Variants in SLC7A1 observed in about 807,000 individuals in gnomAD.
SLC7A1 encodes high affinity cationic amino acid transporter 1.
Under a neutral mutation model 53.9 loss-of-function variants are expected in SLC7A1, and 10 were observed. The ratio of observed to expected loss-of-function variants is 0.19; its 90% CI spans 0.11 to 0.31. The LOEUF (loss-of-function observed/expected upper bound fraction) is 0.31. SLC7A1 is among the 10% of genes least tolerant of loss of function. The pLI is 1.00. For synonymous variants in SLC7A1, 342 were observed against 338.7 expected, an observed-to-expected ratio of 1.01 and a Z score of -0.11; for missense variants, 525 against 827.2, an observed-to-expected ratio of 0.63 and a Z score of 4.48.
chr13:29,569,250 T>C (rs1023848480), intron 1 of SLC7A1, among the ~76,000 whole-genome samples: 3 of 152,072 alleles, frequency 2.0e-5, no homozygotes, highest in Non-Finnish European at 4.4e-5. Flanking sequence ...CTGCGGGCTG[T>C]CTCATTGGAG....
At chr13:29,587,916 C>T (rs997614988) in intron 1 of SLC7A1, among the ~76,000 whole-genome samples, 1 of 152,192 alleles carries the variant, frequency 6.6e-6, no homozygotes, top group African/African-American at 2.4e-5. Flanking sequence ...GCCAGGTCAC[C>T]AGAGCTGAAG....
At chr13:29,521,340 A>ACAAGT (rs1868620447) in intron 8 of SLC7A1, among the ~76,000 whole-genome samples, 1 of 152,220 alleles carries the variant, frequency 6.6e-6, no homozygotes, top group Non-Finnish European at 1.5e-5. Context: ...TGGCTATTTG[A>ACAAGT]CAAGTCGCTG....
chr13:29,533,003 C>T, intron 3 of SLC7A1, 21 bp from the exon 4 acceptor site: 1 of 1,600,412 alleles, frequency 6.2e-7, no homozygotes, highest in Non-Finnish European at 8.5e-7. Context: ...GCACACACAA[C>T]AGAGGAGATG....
At chr13:29,556,243 C>T (rs1350290797) in intron 1 of SLC7A1, among the ~76,000 whole-genome samples, 1 of 152,094 alleles carries the variant, frequency 6.6e-6, no homozygotes, top group African/African-American at 2.4e-5. Context: ...AACAATGCCA[C>T]TCTTCTCACT....
chr13:29,567,180 T>C (rs1871002683), intron 1 of SLC7A1, among the ~76,000 whole-genome samples: 1 of 152,220 alleles, frequency 6.6e-6, no homozygotes, highest in South Asian at 2.1e-4. Context: ...AAATATTTCA[T>C]GGTGACAGGG....
At chr13:29,525,076 T>C (rs889738644) in intron 5 of SLC7A1, among the ~76,000 whole-genome samples, 1 of 152,200 alleles carries the variant, frequency 6.6e-6, no homozygotes, top group Non-Finnish European at 1.5e-5. Context: ...TCCCCCCACA[T>C]GCTGTGTTCT....
chr13:29,525,072 C>A (rs1051605965), intron 5 of SLC7A1, among the ~76,000 whole-genome samples: 4 of 152,240 alleles, frequency 2.6e-5, no homozygotes, highest in African/African-American at 4.8e-5. Context: ...CCTGTCCCCC[C>A]ACATGCTGTG....
intron 1 of SLC7A1, among the ~76,000 whole-genome samples, chr13:29,594,605 G>T (rs896830883): frequency 1.3e-5 from 2 of 152,168 alleles, no homozygotes; most frequent in Non-Finnish European, 2.9e-5. Flanking sequence ...TACGCAGAAA[G>T]GAACACCCTG....
At chr13:29,559,962 G>A (rs1266272182) in intron 1 of SLC7A1, among the ~76,000 whole-genome samples, 1 of 152,082 alleles carries the variant, frequency 6.6e-6, no homozygotes, top group Admixed American at 6.5e-5. Context: ...TGATCCGCCC[G>A]CCTCGGCCTC....
At chr13:29,571,745 C>T (rs1373176403) in intron 1 of SLC7A1, among the ~76,000 whole-genome samples, 1 of 152,226 alleles carries the variant, frequency 6.6e-6, no homozygotes, top group Non-Finnish European at 1.5e-5. Flanking sequence ...TTCCTCCTTC[C>T]AGGAGGTCTG....
chr13:29,590,182 CT>C (rs1253957170), intron 1 of SLC7A1, among the ~76,000 whole-genome samples: 1 of 152,206 alleles, frequency 6.6e-6, no homozygotes, highest in Non-Finnish European at 1.5e-5. Flanking sequence ...CCCACCACCC[CT>C]GTGCTGTATG....
chr13:29,511,808 T>C lies in SLC7A1; in HGVS notation c.*2672A>G, dbSNP rs116401454. The stretch of plus-strand genomic sequence containing the variant: ...ACCCATCACAAATGGGTCTTTCCAA[T>C]GTGGGTATTTGTGGCTGGTGCACAG... On this transcript the variant is annotated 3_prime_UTR_variant, in exon 13 of 13. Transcript: ENST00000380752. The C allele has an allele frequency of 3.8e-4, 58 of 152,314 alleles. No individual in the cohort carries two copies. Among genetic ancestry groups the C allele is most frequent in the African/African-American group, 1.4e-3 (58 of 41,568 alleles). The allele number at this position is 152,314 out of a possible 1,614,324, so 9.4% of individuals were successfully genotyped here. A position where few individuals can be genotyped will look rare whatever the true frequency, so the allele number is the denominator to read the frequency against.
intron 2 of SLC7A1, among the ~76,000 whole-genome samples, chr13:29,549,175 A>C (rs558844398): frequency 6.6e-6 from 1 of 152,330 alleles, no homozygotes; most frequent in South Asian, 2.1e-4. Context: ...AGGAGAATGC[A>C]ATTCAATTTA....
chr13:29,561,433 G>C (rs538725655), intron 1 of SLC7A1, among the ~76,000 whole-genome samples: 1 of 152,192 alleles, frequency 6.6e-6, no homozygotes, highest in Non-Finnish European at 1.5e-5. Context: ...CAAGCCCTTT[G>C]GGATGGCCAG....
intron 8 of SLC7A1, among the ~76,000 whole-genome samples, chr13:29,521,908 T>C (rs1868646711): frequency 6.6e-6 from 1 of 152,194 alleles, no homozygotes; most frequent in Non-Finnish European, 1.5e-5. Flanking sequence ...TAAGGGACAC[T>C]TGTTTTCCAG....
intron 4 of SLC7A1, among the ~76,000 whole-genome samples, chr13:29,531,058 G>A (rs908840371): frequency 6.6e-6 from 1 of 152,126 alleles, no homozygotes; most frequent in Non-Finnish European, 1.5e-5. Flanking sequence ...ACACCAAGCC[G>A]CTCCCTCTCA....
chr13:29,514,620 G>T (rs180973260), intron 12 of SLC7A1, 37 bp from the exon 13 acceptor site: 174 of 1,499,146 alleles, frequency 1.2e-4, no homozygotes, highest in Middle Eastern at 1.7e-4. Flanking sequence ...TGAACAGACC[G>T]CCGGTTGCAC....
At chr13:29,547,573 A>G (rs192555737) in intron 2 of SLC7A1, among the ~76,000 whole-genome samples, 146 of 152,364 alleles carry the variant, frequency 9.6e-4, no homozygotes, top group African/African-American at 3.4e-3. Flanking sequence ...GGAAGAAGTG[A>G]GGCATTTGTC....
intron 1 of SLC7A1, among the ~76,000 whole-genome samples, chr13:29,583,170 T>C (rs994354571): frequency 2.5e-4 from 38 of 152,180 alleles, no homozygotes; most frequent in Non-Finnish European, 1.3e-4. Context: ...CCCAGAACTG[T>C]AAAGGAGCCC....
Sources: gnomAD v4.1 joint callset for allele counts (sites outside exome capture counted in the v4.1 genomes callset) on GRCh38, gnomAD v4.1.1 for gene constraint, MANE v1.5 for transcripts, NCBI Gene and HGNC (gene_info 2026-07-23, HGNC 2026-07-21) for gene names.